Variants in HPSE2 observed in about 807,000 individuals in gnomAD.
HPSE2 encodes inactive heparanase-2.
Under a neutral mutation model 60.5 loss-of-function variants are expected in HPSE2, and 38 were observed. The ratio of observed to expected loss-of-function variants is 0.63; its 90% CI spans 0.48 to 0.82. The LOEUF is 0.82. Ranked by LOEUF, HPSE2 falls within the 40% of genes least tolerant of loss-of-function variation. The pLI is 0.00. For synonymous variants in HPSE2, 295 were observed against 293.2 expected (o/e 1.01, Z -0.06); for missense variants, 713 against 740.4 (o/e 0.96, Z 0.43).
chr10:99,083,612 G>C (rs1843218005), intron 3 of HPSE2, among the ~76,000 whole-genome samples: 1 of 152,178 alleles, frequency 6.6e-6, no homozygotes, highest in South Asian at 2.1e-4. Flanking sequence ...TGGTACCCCA[G>C]ATTTACTGCC....
rs1006955884 is a variant in HPSE2 at position 98,539,954 on chromosome 10, C to G, written c.1321-49758G>C. ...GAGAAGGCACTATAGCAGAAAAAAC[C>G]CTTGAGTGAAGAAGTAGGGAACCGG... On this transcript the variant is annotated intron_variant, in intron 9 of 11. Coordinates refer to ENST00000370552, the MANE Select transcript of HPSE2 (RefSeq NM_021828.5). 2.6e-5 allele frequency among the ~76,000 whole-genome samples: 4 copies of G among 152,192 alleles called. No individual in the cohort carries two copies. The South Asian group carries it at 8.3e-4, about 31-fold the overall frequency.
At chr10:99,301,967 A>G in the HPSE2 span, among the ~76,000 whole-genome samples, 53 of 151,508 alleles carry the variant, frequency 3.5e-4, no homozygotes, top group African/African-American at 1.3e-3. Flanking sequence ...CAGATCCCCA[A>G]CTCACTCATT....
At chr10:98,659,834 T>A (rs1947176806) in intron 6 of HPSE2, among the ~76,000 whole-genome samples, 1 of 151,968 alleles carries the variant, frequency 6.6e-6, no homozygotes, top group Non-Finnish European at 1.5e-5. Context: ...TGGGTTAGAG[T>A]GAAATTGAAA....
At chr10:99,143,236 T>C (rs1190917057) in intron 3 of HPSE2, among the ~76,000 whole-genome samples, 1 of 152,174 alleles carries the variant, frequency 6.6e-6, no homozygotes, top group Non-Finnish European at 1.5e-5. Flanking sequence ...CTCATGCTGT[T>C]GGGTTTTTCA....
At chr10:98,695,650 T>C (rs1480634166) in intron 5 of HPSE2, among the ~76,000 whole-genome samples, 1 of 152,090 alleles carries the variant, frequency 6.6e-6, no homozygotes, top group Non-Finnish European at 1.5e-5. Context: ...TTTGATGGAG[T>C]CATGCCACCC....
chr10:98,855,408 G>A (rs1390854490), intron 3 of HPSE2, among the ~76,000 whole-genome samples: 2 of 152,082 alleles, frequency 1.3e-5, no homozygotes, highest in African/African-American at 2.4e-5. Context: ...GGAAATGGGG[G>A]TGGGAAGGGT....
intron 3 of HPSE2, among the ~76,000 whole-genome samples, chr10:98,995,293 T>C (rs1333086965): frequency 4.6e-5 from 7 of 152,252 alleles, no homozygotes; most frequent in Non-Finnish European, 4.4e-5. Flanking sequence ...TTGGTTTCCT[T>C]ACCTTTAAAT....
In HPSE2 at chr10:98,833,349, T is replaced by C. The variant is rs74154348; in HGVS notation, c.611-89293A>G. Among the ~76,000 whole-genome samples, 6 of 152,326 alleles carry C rather than the reference T, an allele frequency of 3.9e-5. No homozygotes were observed. The East Asian group carries it at 5.8e-4, about 15-fold the overall frequency. ...CTAAAGGATTGGTTTAGAGCATAGA[T>C]ACATGTGCCAAAGTCTTCTGTGCTT... is the stretch of plus-strand genomic sequence containing the variant. On this transcript the variant is annotated intron_variant, in intron 3 of 11. Transcript: ENST00000370552.
At chr10:99,229,072 G>A (rs931115893) in intron 2 of HPSE2, among the ~76,000 whole-genome samples, 2 of 151,898 alleles carry the variant, frequency 1.3e-5, no homozygotes, top group African/African-American at 4.8e-5. Flanking sequence ...CTACTGAAGA[G>A]GCTGAGGCAC....
chr10:98,631,218 CTTG>C (rs1265972295), intron 7 of HPSE2, among the ~76,000 whole-genome samples: 4 of 152,148 alleles, frequency 2.6e-5, no homozygotes, highest in African/African-American at 4.8e-5. Flanking sequence ...ATTCTCTGCA[CTTG>C]TTATCTCAAA....
intron 2 of HPSE2, among the ~76,000 whole-genome samples, chr10:99,229,602 T>C (rs1192996219): frequency 6.6e-6 from 1 of 152,166 alleles, no homozygotes; most frequent in Non-Finnish European, 1.5e-5. Context: ...CCACATGCTA[T>C]AAACAGTAAG....
intron 9 of HPSE2, among the ~76,000 whole-genome samples, chr10:98,493,806 A>C (rs1011187622): frequency 6.6e-6 from 1 of 152,204 alleles, no homozygotes; most frequent in Non-Finnish European, 1.5e-5. Flanking sequence ...AACTACTGAT[A>C]AGGAGGGACA....
At chr10:99,195,971 T>C (rs975248415) in intron 2 of HPSE2, among the ~76,000 whole-genome samples, 1 of 152,108 alleles carries the variant, frequency 6.6e-6, no homozygotes, top group East Asian at 1.9e-4. Flanking sequence ...TGCAGAGGTA[T>C]AGTAACCAAA....
At chr10:98,522,767 C>T (rs568870165) in intron 9 of HPSE2, among the ~76,000 whole-genome samples, 2 of 152,338 alleles carry the variant, frequency 1.3e-5, no homozygotes, top group South Asian at 2.1e-4. Context: ...CGTGAGCCAC[C>T]GTGTCCCGCC....
At chr10:99,137,407 T>A (rs1158813153) in intron 3 of HPSE2, among the ~76,000 whole-genome samples, 1 of 152,106 alleles carries the variant, frequency 6.6e-6, no homozygotes, top group East Asian at 1.9e-4. Flanking sequence ...AAACTGCATA[T>A]GAAACCAAAA....
intron 3 of HPSE2, among the ~76,000 whole-genome samples, chr10:98,986,189 A>G (rs1338414677): frequency 6.6e-6 from 1 of 152,222 alleles, no homozygotes. Context: ...CAGAATAAAC[A>G]TTCTTTTCAG....
intron 3 of HPSE2, among the ~76,000 whole-genome samples, chr10:99,095,121 G>A (rs1340831855): frequency 6.6e-6 from 1 of 151,982 alleles, no homozygotes; most frequent in Non-Finnish European, 1.5e-5. Flanking sequence ...AGGAGTTCAA[G>A]GCTGCAGTGA....
intron 3 of HPSE2, among the ~76,000 whole-genome samples, chr10:98,973,444 T>C (rs1170889023): frequency 2.0e-5 from 3 of 152,204 alleles, no homozygotes; most frequent in African/African-American, 7.2e-5. Context: ...GAGCCATTAA[T>C]TGCAGGCTAT....
At chr10:98,723,146 C>T (rs1214948492) in intron 4 of HPSE2, among the ~76,000 whole-genome samples, 1 of 152,084 alleles carries the variant, frequency 6.6e-6, no homozygotes, top group Non-Finnish European at 1.5e-5. Context: ...CCCATCAATA[C>T]CTAATTTATT....
Sources: allele counts gnomAD v4.1 joint callset (sites outside exome capture counted in the v4.1 genomes callset), GRCh38; gene constraint gnomAD v4.1.1; transcripts MANE v1.5; gene names NCBI Gene and HGNC (gene_info 2026-07-23, HGNC 2026-07-21).